RAG1: variants seen among roughly 807,000 people sequenced by gnomAD.
RAG1 encodes the protein recombination activating 1, also known as V(D)J recombination-activating protein 1.
RAG1 carries 35 observed loss-of-function variants against 62.7 expected under a neutral mutation model. The ratio of observed to expected loss-of-function variants is 0.56; its 90% CI spans 0.43 to 0.74. The LOEUF is 0.74. Ranked by LOEUF, RAG1 falls within the 30% of genes least tolerant of loss-of-function variation. The probability of loss-of-function intolerance (pLI) is 0.00; values close to 1 mark genes in which losing one functional copy is unlikely to be tolerated. For missense variants in RAG1, 1,169 were observed against 1,278.6 expected (o/e 0.91, Z 1.31); for synonymous variants, 461 against 470.3 (o/e 0.98, Z 0.26).
chr11:36,511,274 T>C (rs1859916687), intron 1 of RAG1, among the ~76,000 whole-genome samples: 1 of 152,178 alleles, frequency 6.6e-6, no homozygotes, highest in Non-Finnish European at 1.5e-5. Context: ...GGCAACATAG[T>C]GAGACCCCAT....
Position 36,576,305 on chromosome 11 carries a change from T to C in RAG1, c.3001T>C (p.Tyr1001His). The part of the protein sequence containing the change: ...LKHHWLYTSK[Y>H]LQKFMNAHNA... ...ACACCACTGGTTGTACACCTCCAAATACCTCCAGAAGTTTATGAATGCTCA... is the reference window on the plus strand; with the variant it reads ...ACACCACTGGTTGTACACCTCCAAACACCTCCAGAAGTTTATGAATGCTCA... The change falls in exon 2 of 2, where the codon TAC (tyrosine) becomes CAC (histidine). Residue 1001 changes from tyrosine to histidine, a missense_variant. Physicochemically the swap from Tyr to His is moderately conservative, Grantham distance 83. This residue lies in a region of RAG1 where 800 missense variants were observed against 943.3 expected (regional missense o/e 0.85). Transcript: ENST00000299440. The C allele has an allele frequency of 6.2e-7, 1 of 1,614,060 alleles. No homozygotes were observed. Among genetic ancestry groups the C allele is most frequent in the African/African-American group, 1.3e-5 (1 of 75,036 alleles).
intron 3 of RAG1, among the ~76,000 whole-genome samples, chr11:36,547,627 T>C (rs910434539): frequency 2.0e-5 from 3 of 152,214 alleles, no homozygotes; most frequent in Non-Finnish European, 2.9e-5. Context: ...ATTGAGGCAG[T>C]AATTTATAGC....
At chr11:36,570,423 C>T (rs1850723449) in intron 1 of RAG1, among the ~76,000 whole-genome samples, 2 of 152,058 alleles carry the variant, frequency 1.3e-5, no homozygotes, top group East Asian at 1.9e-4. Context: ...AAGTAATACA[C>T]GTCTATTTTA....
At chr11:36,516,713 G>C (rs947284010) in intron 1 of RAG1, among the ~76,000 whole-genome samples, 12 of 152,176 alleles carry the variant, frequency 7.9e-5, no homozygotes, top group Admixed American at 7.2e-4. Context: ...TTCCCTTCTG[G>C]ACACATTTTT....
chr11:36,562,508 G>A (rs916107819), intron 3 of RAG1, among the ~76,000 whole-genome samples: 2 of 152,108 alleles, frequency 1.3e-5, no homozygotes, highest in Middle Eastern at 3.2e-3. Context: ...GCAATGTTAC[G>A]GCACTCCAAC....
chr11:36,546,755 C>G (rs183353764), intron 3 of RAG1, among the ~76,000 whole-genome samples: 6 of 152,208 alleles, frequency 3.9e-5, no homozygotes, highest in Admixed American at 3.9e-4. Flanking sequence ...TTCAGGAGCT[C>G]TTGTAAGGCA....
intron 2 of RAG1, among the ~76,000 whole-genome samples, chr11:36,522,611 G>A (rs982431680): frequency 7.2e-5 from 11 of 152,212 alleles, no homozygotes; most frequent in Non-Finnish European, 1.3e-4. Flanking sequence ...TCTGCCTAGT[G>A]GAGCTGTGAG....
In RAG1 at chr11:36,573,612, A is replaced by G. The variant is rs777049576; in HGVS notation, c.308A>G (p.His103Arg). 1.2e-5 allele frequency: 19 copies of G among 1,614,110 alleles called. No homozygotes were observed. The highest frequency in any genetic ancestry group is 2.2e-5 in the East Asian group (1 of 44,904). The change falls in exon 2 of 2, where the codon CAT becomes CGT. Residue 103 changes from histidine to arginine, a missense_variant. By Grantham distance (29) the His-to-Arg change is conservative. Transcript: ENST00000299440. ...DNEKARGKAI[H>R]QANLRHLCRI... is the part of the protein sequence containing the mutation. ...GAGAAAGCAAGAGGCAAAGCGATCC[A>G]TCAAGCCAACCTTCGACATCTCTGC...
chr11:36,532,996 A>C (rs1860277460), intron 2 of RAG1, among the ~76,000 whole-genome samples: 1 of 152,186 alleles, frequency 6.6e-6, no homozygotes, highest in African/African-American at 2.4e-5. Flanking sequence ...TTATAGTTGC[A>C]GAACAGTTTT....
Position 36,573,793 on chromosome 11 carries a change from G to A in RAG1, c.489G>A (p.Val163=). The change falls in exon 2 of 2, where the codon GTG becomes GTA. Residue 163 remains valine (V), a synonymous_variant. Coordinates refer to ENST00000299440, the MANE Select transcript of RAG1 (RefSeq NM_000448.3). Reference sequence around the variant, plus strand: ...TTGCCAAGGTTTTCCGGATCGATGTGAAGGCAGATGTTGACTCGATCCACC... The same window carrying A: ...TTGCCAAGGTTTTCCGGATCGATGTAAAGGCAGATGTTGACTCGATCCACC... ...DLIAKVFRID[V]KADVDSIHPT... 1.2e-6 allele frequency: 2 copies of A among 1,614,092 alleles called. No individual in the cohort carries two copies. Among genetic ancestry groups the A allele is most frequent in the Middle Eastern group, 1.6e-4 (1 of 6,062 alleles).
Position 36,574,532 on chromosome 11 carries a change from C to T in RAG1, c.1228C>T (p.Arg410Trp), listed in dbSNP as rs758288006. The T allele has an allele frequency of 1.1e-5, 18 of 1,614,128 alleles. No homozygotes were observed. The highest frequency in any genetic ancestry group is 4.0e-5 in the African/African-American group (3 of 74,948). The change falls in exon 2 of 2, where the codon CGG becomes TGG. Residue 410 changes from arginine to tryptophan, a missense_variant. Coordinates refer to ENST00000299440, the MANE Select transcript of RAG1 (RefSeq NM_000448.3). ...GCTGACTCGGAGAGCTCAGAAGCACCGGCTGAGGGAGCTCAAGCTGCAAGT... is the reference window on the plus strand; with the variant it reads ...GCTGACTCGGAGAGCTCAGAAGCACTGGCTGAGGGAGCTCAAGCTGCAAGT... ...LSLTRRAQKH[R>W]LRELKLQVKA...
chr11:36,518,175 A>AT (rs931994049), intron 1 of RAG1, among the ~76,000 whole-genome samples: 1 of 151,836 alleles, frequency 6.6e-6, no homozygotes, highest in Admixed American at 6.6e-5. Context: ...GAAACTCATC[A>AT]TTTTTTATGG....
intron 2 of RAG1, among the ~76,000 whole-genome samples, chr11:36,521,857 T>C (rs1248893470): frequency 6.6e-6 from 1 of 152,116 alleles, no homozygotes; most frequent in Non-Finnish European, 1.5e-5. Flanking sequence ...TCTTGTTATG[T>C]TTTAGCAAAG....
rs955448714 is a variant in RAG1 at position 36,576,483 on chromosome 11, T to C, written c.*47T>C. 2.1e-5 allele frequency: 33 copies of C among 1,606,370 alleles called. No homozygotes were observed. Among genetic ancestry groups the C allele is most frequent in the Non-Finnish European group, 2.7e-5 (32 of 1,173,886 alleles). On this transcript the variant is annotated 3_prime_UTR_variant, in exon 2 of 2. Transcript: ENST00000299440. ...TGGTTTTTGCAATTGAGTTTCCCTC[T>C]GGGTTGCATTGAGGGCTTCTCCTAG...
At chr11:36,533,271 T>A (rs1860281703) in intron 2 of RAG1, among the ~76,000 whole-genome samples, 1 of 152,162 alleles carries the variant, frequency 6.6e-6, no homozygotes, top group African/African-American at 2.4e-5. Context: ...TACTCGTAAA[T>A]AAGATTCCAT....
rs199474681 is a variant in RAG1 at position 36,574,981 on chromosome 11, G to A, written c.1677G>A (p.Arg559=). The A allele has an allele frequency of 1.9e-6, 3 of 1,614,038 alleles. No homozygotes were observed. Among genetic ancestry groups the A allele is most frequent in the African/African-American group, 1.3e-5 (1 of 74,918 alleles). Residue 559 remains arginine (R), a synonymous_variant, in exon 2 of 2, where the codon AGG becomes AGA. Coordinates refer to ENST00000299440, the MANE Select transcript of RAG1 (RefSeq NM_000448.3). The part of the protein sequence containing the change: ...DDYPVDTIAK[R]FRYDSALVSA... The stretch of plus-strand genomic sequence containing the variant: ...ACCCAGTGGACACCATTGCAAAGAG[G>A]TTCCGCTATGATTCAGCTTTGGTGT...
chr11:36,514,448 G>A lies in RAG1; in HGVS notation n.330+3410G>A, dbSNP rs138077301. Among the ~76,000 whole-genome samples, 26 of 152,352 alleles carry A rather than the reference G, an allele frequency of 1.7e-4. No homozygotes were observed. In the East Asian group the frequency reaches 3.9e-3, roughly 23 times the overall value. ...TGGAAGACAGTTTTTCTACAGAGCA[G>A]AGTGGGGCAGAGGGATGGTTTTGGG... On this transcript the variant is annotated intron_variant and non_coding_transcript_variant, in intron 1 of 2. Coordinates refer to the RAG1 transcript ENST00000529126.
At chr11:36,550,699 C>T (rs1416303816) in intron 3 of RAG1, among the ~76,000 whole-genome samples, 1 of 152,102 alleles carries the variant, frequency 6.6e-6, no homozygotes, top group Non-Finnish European at 1.5e-5. Context: ...TTCTCAGTGC[C>T]TTTTTCCTTC....
chr11:36,550,194 A>G (rs529368284), intron 3 of RAG1, among the ~76,000 whole-genome samples: 1 of 152,238 alleles, frequency 6.6e-6, no homozygotes, highest in Non-Finnish European at 1.5e-5. Flanking sequence ...GCAAACCACC[A>G]TGGCAAGTGT....
Sources: allele counts gnomAD v4.1 joint callset (sites outside exome capture counted in the v4.1 genomes callset), GRCh38; gene constraint gnomAD v4.1.1; regional missense constraint gnomAD v4.1.1; transcripts MANE v1.5; gene names NCBI Gene and HGNC (gene_info 2026-07-23, HGNC 2026-07-21).